KCNK2: variants seen among roughly 807,000 people sequenced by gnomAD.
The protein encoded by KCNK2 is potassium channel subfamily K member 2.
Under a neutral mutation model 40.5 loss-of-function variants are expected in KCNK2, and 21 were observed. The ratio of observed to expected loss-of-function variants is 0.52; its 90% CI spans 0.37 to 0.75. The LOEUF (loss-of-function observed/expected upper bound fraction) is 0.75, where lower values mean the gene tolerates loss of function less well. KCNK2 is among the 30% of genes least tolerant of loss of function. The pLI is 0.00. For missense variants in KCNK2, 399 were observed against 531.6 expected, an observed-to-expected ratio of 0.75 and a Z score of 2.45; for synonymous variants, 191 against 202.2, an observed-to-expected ratio of 0.94 and a Z score of 0.47.
chr1:215,077,786 C>T (rs1189403106), upstream of KCNK2, among the ~76,000 whole-genome samples: 1 of 152,048 alleles, frequency 6.6e-6, no homozygotes, highest in Non-Finnish European at 1.5e-5. Flanking sequence ...TTTCCCTTTC[C>T]ACCCTTGCTC....
chr1:215,011,821 T>C (rs1441830726), intron 1 of KCNK2, among the ~76,000 whole-genome samples: 1 of 148,758 alleles, frequency 6.7e-6, no homozygotes, highest in Non-Finnish European at 1.5e-5. Context: ...TTGGTCAGGA[T>C]GGTCTTGATC....
chr1:215,200,741 G>T (rs981632745), intron 6 of KCNK2, among the ~76,000 whole-genome samples: 3 of 152,060 alleles, frequency 2.0e-5, no homozygotes, highest in African/African-American at 7.2e-5. Context: ...AACATATTTG[G>T]GGGATAAAAG....
chr1:215,094,647 T>C (rs1659897422), intron 2 of KCNK2, among the ~76,000 whole-genome samples: 1 of 152,154 alleles, frequency 6.6e-6, no homozygotes, highest in Non-Finnish European at 1.5e-5. Flanking sequence ...CAAGTAGCAA[T>C]TGAGACATTT....
intron 1 of KCNK2, among the ~76,000 whole-genome samples, chr1:215,032,324 G>T (rs141553356): frequency 2.0e-5 from 3 of 151,992 alleles, no homozygotes; most frequent in Non-Finnish European, 4.4e-5. Context: ...GTGGAGAATC[G>T]CTGGGCTCAG....
At chr1:215,180,364 G>A (rs1381736616) in intron 5 of KCNK2, among the ~76,000 whole-genome samples, 2 of 152,060 alleles carry the variant, frequency 1.3e-5, no homozygotes, top group Admixed American at 6.6e-5. Flanking sequence ...TACATTCAAG[G>A]TTAATATTGA....
At chr1:215,206,635 T>A (rs1248506561) in intron 6 of KCNK2, among the ~76,000 whole-genome samples, 1 of 152,220 alleles carries the variant, frequency 6.6e-6, no homozygotes, top group Non-Finnish European at 1.5e-5. Flanking sequence ...TGCATCTGCA[T>A]GTTACACAAA....
intron 1 of KCNK2, among the ~76,000 whole-genome samples, chr1:215,028,208 G>A (rs1438644290): frequency 6.6e-6 from 1 of 152,044 alleles, no homozygotes; most frequent in Non-Finnish European, 1.5e-5. Flanking sequence ...CCAATGTGGT[G>A]AAACCCCGTC....
intron 6 of KCNK2, among the ~76,000 whole-genome samples, chr1:215,207,220 G>A (rs1266693375): frequency 2.0e-5 from 3 of 152,266 alleles, no homozygotes; most frequent in South Asian, 4.1e-4. Flanking sequence ...GGAGGTGAAC[G>A]GTGGGTGAGT....
At chr1:215,103,627 A>T (rs756627438) in intron 2 of KCNK2, among the ~76,000 whole-genome samples, 7 of 152,086 alleles carry the variant, frequency 4.6e-5, no homozygotes, top group Non-Finnish European at 1.0e-4. Flanking sequence ...AATCTATTTC[A>T]TGAGGGTAAT....
chr1:215,093,556 AT>A (rs1659796714), intron 2 of KCNK2, among the ~76,000 whole-genome samples: 1 of 110,328 alleles, frequency 9.1e-6, no homozygotes, highest in Non-Finnish European at 1.7e-5. Context: ...TATTGTATAT[AT>A]AAGATATATA....
At chr1:215,137,629 G>A (rs1307484218) in intron 3 of KCNK2, among the ~76,000 whole-genome samples, 1 of 152,106 alleles carries the variant, frequency 6.6e-6, no homozygotes, top group Non-Finnish European at 1.5e-5. Context: ...CTTTTGACCA[G>A]GTCATTGAAC....
intron 3 of KCNK2, among the ~76,000 whole-genome samples, chr1:215,155,517 T>C (rs910484566): frequency 3.3e-5 from 5 of 152,132 alleles, no homozygotes; most frequent in South Asian, 2.1e-4. Context: ...TTTATTTATT[T>C]ATTCATTCAT....
intron 2 of KCNK2, among the ~76,000 whole-genome samples, chr1:215,116,898 G>A (rs12742137): frequency 0.76 from 115,105 of 151,768 alleles, 44,025 homozygotes; most frequent in African/African-American, 0.78. Flanking sequence ...CAGTCTCTAA[G>A]TGTAGTATGA....
chr1:215,027,921 A>G (rs1657052463), intron 1 of KCNK2, among the ~76,000 whole-genome samples: 1 of 152,194 alleles, frequency 6.6e-6, no homozygotes, highest in Admixed American at 6.5e-5. Context: ...CTTTCCCACT[A>G]GCATTTAAAG....
chr1:215,108,818 G>A (rs1660551449), intron 2 of KCNK2, among the ~76,000 whole-genome samples: 1 of 150,902 alleles, frequency 6.6e-6, no homozygotes, highest in Admixed American at 6.6e-5. Flanking sequence ...ATGGGTGGGT[G>A]GGTGTGGATG....
intron 2 of KCNK2, among the ~76,000 whole-genome samples, chr1:215,108,479 C>T (rs189603414): frequency 5.0e-4 from 76 of 152,120 alleles, no homozygotes; most frequent in African/African-American, 1.5e-3. Flanking sequence ...TTCATTCTGC[C>T]GATTGTTCCT....
intron 1 of KCNK2, among the ~76,000 whole-genome samples, chr1:215,021,560 T>TTC (rs1473085579): frequency 5.0e-5 from 5 of 100,802 alleles, no homozygotes; most frequent in African/African-American, 1.7e-4. Flanking sequence ...TTTTTTTTTT[T>TTC]TTTGAGACGG....
intron 5 of KCNK2, among the ~76,000 whole-genome samples, chr1:215,186,805 G>C (rs1462441990): frequency 6.6e-6 from 1 of 152,116 alleles, no homozygotes; most frequent in East Asian, 1.9e-4. Context: ...AGTGTTCTGG[G>C]GCTAAAAAGC....
At chr1:215,102,206 T>C (rs537100646) in intron 2 of KCNK2, among the ~76,000 whole-genome samples, 51 of 152,132 alleles carry the variant, frequency 3.4e-4, no homozygotes, top group African/African-American at 1.2e-3. Flanking sequence ...GCATCATGCA[T>C]GTCATTATTC....
Sources: allele counts gnomAD v4.1 joint callset (sites outside exome capture counted in the v4.1 genomes callset), GRCh38; gene constraint gnomAD v4.1.1; transcripts MANE v1.5; gene names NCBI Gene and HGNC (gene_info 2026-07-23, HGNC 2026-07-21).